NCKAP5: variants seen among roughly 807,000 people sequenced by gnomAD.
NCKAP5 encodes the protein nck-associated protein 5.
Under a neutral mutation model 167.0 loss-of-function variants are expected in NCKAP5, and 92 were observed. The ratio of observed to expected loss-of-function variants is 0.55; its 90% CI spans 0.47 to 0.66. The LOEUF (loss-of-function observed/expected upper bound fraction) is 0.66, where lower values mean the gene tolerates loss of function less well. NCKAP5 is among the 30% of genes least tolerant of loss of function. The pLI is 0.00. For missense variants in NCKAP5, 2,378 were observed against 2,315.0 expected, an observed-to-expected ratio of 1.03 and a Z score of -0.56; for synonymous variants, 891 against 877.4, an observed-to-expected ratio of 1.02 and a Z score of -0.27.
rs530691600 is a variant in NCKAP5 at position 133,069,767 on chromosome 2, A to G, written c.341+60211T>C. On this transcript the variant is annotated intron_variant, in intron 6 of 19. Coordinates refer to ENST00000409261, the MANE Select transcript of NCKAP5 (RefSeq NM_207363.3). ...CAGGGTAGAAAAAAACATGTAGCTG[A>G]TTTACAGAAAGCATTAGATTAACAA... 1.2e-4 allele frequency among the ~76,000 whole-genome samples: 19 copies of G among 152,272 alleles called. 1 individual carries two copies. In the South Asian group the frequency reaches 3.9e-3, roughly 32 times the overall value.
the NCKAP5 span, among the ~76,000 whole-genome samples, chr2:133,646,281 T>G: frequency 1.3e-5 from 2 of 151,888 alleles, no homozygotes; most frequent in African/African-American, 2.4e-5. Flanking sequence ...CCAATAAAAA[T>G]AAACCCATGA....
At chr2:132,814,208 G>C (rs1043089152) in intron 11 of NCKAP5, among the ~76,000 whole-genome samples, 3 of 152,196 alleles carry the variant, frequency 2.0e-5, no homozygotes, top group African/African-American at 7.2e-5. Flanking sequence ...TATGGGCTTT[G>C]TTGCTACAGA....
chr2:133,197,022 A>G (rs1173383574), intron 5 of NCKAP5, among the ~76,000 whole-genome samples: 1 of 152,088 alleles, frequency 6.6e-6, no homozygotes, highest in Admixed American at 6.6e-5. Context: ...CTATCTTCTG[A>G]CTGTTTTGTT....
chr2:133,334,597 C>A (rs554007192), intron 3 of NCKAP5, among the ~76,000 whole-genome samples: 1 of 152,222 alleles, frequency 6.6e-6, no homozygotes, highest in South Asian at 2.1e-4. Flanking sequence ...CTCAGCACTA[C>A]CTTTGACCAT....
At chr2:133,229,177 GA>G (rs1387884786) in intron 4 of NCKAP5, among the ~76,000 whole-genome samples, 1 of 151,866 alleles carries the variant, frequency 6.6e-6, no homozygotes, top group South Asian at 2.1e-4. Context: ...TGTTTTTGTA[GA>G]AAAAAAATAG....
At chr2:133,347,485 G>A (rs1249516724) in intron 3 of NCKAP5, among the ~76,000 whole-genome samples, 3 of 152,002 alleles carry the variant, frequency 2.0e-5, no homozygotes, top group Non-Finnish European at 4.4e-5. Flanking sequence ...CCCAGGAGGC[G>A]GAGGCTGTGG....
intron 2 of NCKAP5, among the ~76,000 whole-genome samples, chr2:133,538,022 C>A (rs1175070687): frequency 6.6e-6 from 1 of 152,106 alleles, no homozygotes; most frequent in Admixed American, 6.5e-5. Flanking sequence ...CATAAATACC[C>A]TCATCATTTC....
chr2:133,339,549 C>T (rs556497060), intron 3 of NCKAP5, among the ~76,000 whole-genome samples: 3 of 152,258 alleles, frequency 2.0e-5, no homozygotes, highest in Non-Finnish European at 2.9e-5. Context: ...GATGGAGTAG[C>T]CATATTTTAA....
chr2:132,926,235 A>G (rs565263968), intron 8 of NCKAP5: 1 of 359,294 alleles, frequency 2.8e-6, no homozygotes, highest in Non-Finnish European at 5.7e-6. Flanking sequence ...ATTCCTTTTA[A>G]TAGCCACTAG....
chr2:133,312,573 T>G (rs1330772903), intron 3 of NCKAP5, among the ~76,000 whole-genome samples: 1 of 152,166 alleles, frequency 6.6e-6, no homozygotes, highest in African/African-American at 2.4e-5. Context: ...CTGCCTATTG[T>G]GCACTCTTCC....
At chr2:132,716,191 A>T (rs1689353237) in intron 19 of NCKAP5, among the ~76,000 whole-genome samples, 1 of 152,180 alleles carries the variant, frequency 6.6e-6, no homozygotes, top group Admixed American at 6.5e-5. Flanking sequence ...TATTACTCAG[A>T]TTATGAGTAA....
intron 6 of NCKAP5, among the ~76,000 whole-genome samples, chr2:133,079,907 T>C (rs2080746408): frequency 6.6e-6 from 1 of 152,154 alleles, no homozygotes; most frequent in African/African-American, 2.4e-5. Flanking sequence ...CTGTTCCCCA[T>C]TGTTGAAGAC....
chr2:133,145,817 C>T (rs1031523734), intron 5 of NCKAP5, among the ~76,000 whole-genome samples: 1 of 152,052 alleles, frequency 6.6e-6, no homozygotes, highest in Non-Finnish European at 1.5e-5. Context: ...AACTCTGCAG[C>T]ACATTGCAGC....
At chr2:132,697,240 C>CACTAA (rs1687428069) in intron 19 of NCKAP5, among the ~76,000 whole-genome samples, 7 of 152,212 alleles carry the variant, frequency 4.6e-5, no homozygotes, top group Non-Finnish European at 7.3e-5. Flanking sequence ...CTTGGAGGAG[C>CACTAA]TGGTCCTCAG....
chr2:132,889,293 C>T (rs1463251686), intron 8 of NCKAP5, among the ~76,000 whole-genome samples: 2 of 152,146 alleles, frequency 1.3e-5, no homozygotes, highest in Non-Finnish European at 2.9e-5. Context: ...TATTTTAAGC[C>T]TCAAAGTGTT....
chr2:132,701,371 C>T (rs1402867280), intron 19 of NCKAP5, among the ~76,000 whole-genome samples: 2 of 152,156 alleles, frequency 1.3e-5, no homozygotes, highest in African/African-American at 4.8e-5. Flanking sequence ...TAACATTTCA[C>T]TTGAAAAAAA....
At chr2:132,895,816 C>CAAAA (rs59012786) in intron 8 of NCKAP5, among the ~76,000 whole-genome samples, 3 of 105,224 alleles carry the variant, frequency 2.9e-5, no homozygotes, top group African/African-American at 6.9e-5. Context: ...GAGAAGGACT[C>CAAAA]AAAAAAAAAA....
chr2:133,462,924 G>A (rs1259627584), intron 3 of NCKAP5, among the ~76,000 whole-genome samples: 1 of 152,030 alleles, frequency 6.6e-6, no homozygotes, highest in Non-Finnish European at 1.5e-5. Flanking sequence ...TCTCATTATT[G>A]GTTTCACCTG....
At chr2:132,900,455 C>G (rs1194817427) in intron 8 of NCKAP5, among the ~76,000 whole-genome samples, 1 of 152,140 alleles carries the variant, frequency 6.6e-6, no homozygotes, top group African/African-American at 2.4e-5. Flanking sequence ...GATACACATA[C>G]AACCACACAC....
Sources: gnomAD v4.1 joint callset for allele counts (sites outside exome capture counted in the v4.1 genomes callset) on GRCh38, gnomAD v4.1.1 for gene constraint, MANE v1.5 for transcripts, NCBI Gene and HGNC (gene_info 2026-07-23, HGNC 2026-07-21) for gene names.